Variants in SCFD2 observed in about 807,000 individuals in gnomAD.
SCFD2 encodes the protein sec1 family domain containing 2.
A neutral mutation model predicts 58.9 loss-of-function variants in SCFD2; 54 were observed. The observed-to-expected ratio is 0.92, with a 90% CI of 0.74 to 1.15. The LOEUF is 1.15. Ranked by LOEUF, SCFD2 falls within the 50% of genes most tolerant of loss-of-function variation. SCFD2 has a pLI of 0.00. For synonymous variants in SCFD2, 321 were observed against 335.9 expected (o/e 0.96, Z 0.49); for missense variants, 805 against 836.6 (o/e 0.96, Z 0.47).
chr4:52,920,584 T>G (rs1719709867), intron 6 of SCFD2, 141 bp downstream of exon 6: 2 of 509,310 alleles, frequency 3.9e-6, no homozygotes, highest in Non-Finnish European at 6.6e-6. Flanking sequence ...GACCCAAAAC[T>G]CTGAACTAAA....
chr4:53,216,335 G>T (rs1728832272), intron 4 of SCFD2, among the ~76,000 whole-genome samples: 1 of 152,104 alleles, frequency 6.6e-6, no homozygotes, highest in Non-Finnish European at 1.5e-5. Flanking sequence ...CCTGTTATTG[G>T]TCTATTCAGA....
At chr4:52,950,737 T>C (rs1005794724) in intron 5 of SCFD2, 10 of 152,046 alleles carry the variant, frequency 6.6e-5, no homozygotes, top group African/African-American at 2.2e-4. Context: ...CTTGGGGATA[T>C]AGTGAACTAG....
intron 4 of SCFD2, among the ~76,000 whole-genome samples, chr4:53,158,377 A>G (rs1284344204): frequency 6.6e-6 from 1 of 152,142 alleles, no homozygotes; most frequent in Non-Finnish European, 1.5e-5. Flanking sequence ...TGTATATCTC[A>G]CCTGTAAATT....
chr4:53,001,737 AT>A (rs1383117473), intron 5 of SCFD2, among the ~76,000 whole-genome samples: 29 of 152,238 alleles, frequency 1.9e-4, no homozygotes, highest in African/African-American at 6.0e-4. Context: ...ATATGTTGGT[AT>A]ATTTAAGGAG....
chr4:53,082,400 G>T (rs1206688883), intron 5 of SCFD2, among the ~76,000 whole-genome samples: 1 of 152,024 alleles, frequency 6.6e-6, no homozygotes, highest in Non-Finnish European at 1.5e-5. Flanking sequence ...CATGCTAATG[G>T]TTATAAAGTG....
chr4:53,247,642 G>C (rs939993692), intron 4 of SCFD2, among the ~76,000 whole-genome samples: 2 of 151,800 alleles, frequency 1.3e-5, no homozygotes, highest in South Asian at 2.1e-4. Context: ...GGTGGATCAT[G>C]AGGTCAGGAG....
chr4:53,285,588 A>G (rs1560428285), intron 3 of SCFD2, among the ~76,000 whole-genome samples: 1 of 151,914 alleles, frequency 6.6e-6, no homozygotes, highest in Non-Finnish European at 1.5e-5. Context: ...AAACAATAAA[A>G]AACAACTAAA....
intron 5 of SCFD2, among the ~76,000 whole-genome samples, chr4:53,084,174 C>CACAAG (rs1724234129): frequency 6.6e-6 from 1 of 152,098 alleles, no homozygotes; most frequent in Admixed American, 6.6e-5. Context: ...ATCTCAACTG[C>CACAAG]ACAAGACAAA....
chr4:52,885,999 C>T, intron 7 of SCFD2, 133 bp from the exon 8 acceptor site: 1 of 1,129,414 alleles, frequency 8.9e-7, no homozygotes, highest in Non-Finnish European at 1.3e-6. Context: ...CAGACAAATC[C>T]TAGGCAGACA....
chr4:53,238,481 C>T (rs1361215504), intron 4 of SCFD2, among the ~76,000 whole-genome samples: 161 of 147,824 alleles, frequency 1.1e-3, no homozygotes, highest in African/African-American at 3.7e-3. Context: ...CCGGATGGGG[C>T]GGCTGGTGGG....
chr4:53,339,981 G>A (rs1427954388), intron 2 of SCFD2, among the ~76,000 whole-genome samples: 1 of 152,110 alleles, frequency 6.6e-6, no homozygotes, highest in African/African-American at 2.4e-5. Flanking sequence ...CAAACTGGCA[G>A]AATTGGTTCC....
chr4:53,357,797 A>T (rs1734442795), intron 1 of SCFD2, among the ~76,000 whole-genome samples: 1 of 152,172 alleles, frequency 6.6e-6, no homozygotes, highest in Admixed American at 6.5e-5. Flanking sequence ...TTAGTCTCTG[A>T]AGCTGCTAAC....
At chr4:53,040,516 T>C (rs1722871834) in intron 5 of SCFD2, among the ~76,000 whole-genome samples, 1 of 152,170 alleles carries the variant, frequency 6.6e-6, no homozygotes, top group African/African-American at 2.4e-5. Context: ...AGATTCCATA[T>C]GCTTCTCATG....
chr4:53,037,497 C>CTTTA (rs1722795215), intron 5 of SCFD2, among the ~76,000 whole-genome samples: 1 of 151,768 alleles, frequency 6.6e-6, no homozygotes, highest in Non-Finnish European at 1.5e-5. Flanking sequence ...TGTATTTTCC[C>CTTTA]AATAAAGCAC....
chr4:53,069,298 T>C (rs1292712179), intron 5 of SCFD2, among the ~76,000 whole-genome samples: 1 of 152,086 alleles, frequency 6.6e-6, no homozygotes, highest in South Asian at 2.1e-4. Flanking sequence ...ATCCTCATTA[T>C]GAATGAGTCC....
At chr4:53,232,750 C>T (rs1011289869) in intron 4 of SCFD2, among the ~76,000 whole-genome samples, 4 of 152,110 alleles carry the variant, frequency 2.6e-5, no homozygotes, top group Non-Finnish European at 5.9e-5. Flanking sequence ...TCGGATCATT[C>T]GACATTCATC....
chr4:52,994,975 A>G (rs536509210), intron 5 of SCFD2, among the ~76,000 whole-genome samples: 2 of 152,334 alleles, frequency 1.3e-5, no homozygotes, highest in South Asian at 4.1e-4. Context: ...AAGCAAACTG[A>G]TACCACAGAG....
intron 4 of SCFD2, among the ~76,000 whole-genome samples, chr4:53,267,368 A>G (rs1731021078): frequency 6.6e-6 from 1 of 152,186 alleles, no homozygotes; most frequent in African/African-American, 2.4e-5. Context: ...TTGTTAAACT[A>G]ATGGATGAGT....
intron 3 of SCFD2, among the ~76,000 whole-genome samples, chr4:53,303,720 A>T (rs1394772739): frequency 6.6e-6 from 1 of 152,102 alleles, no homozygotes; most frequent in Non-Finnish European, 1.5e-5. Flanking sequence ...CAGCAATGAT[A>T]GACTGGATTA....
Sources: allele counts gnomAD v4.1 joint callset (sites outside exome capture counted in the v4.1 genomes callset), GRCh38; gene constraint gnomAD v4.1.1; transcripts MANE v1.5; gene names NCBI Gene and HGNC (gene_info 2026-07-23, HGNC 2026-07-21).